NALF1: variants seen among roughly 807,000 people sequenced by gnomAD.
NALF1 encodes the protein NALCN channel auxiliary factor 1, also known as family with sequence similarity 155 member A.
Under a neutral mutation model 48.4 loss-of-function variants are expected in NALF1, and 3 were observed. The ratio of observed to expected loss-of-function variants is 0.06; its 90% CI spans 0.03 to 0.16. NALF1 has a LOEUF of 0.16. NALF1 is among the 10% of genes least tolerant of loss of function. NALF1 has a pLI of 1.00. For synonymous variants in NALF1, 262 were observed against 245.7 expected (o/e 1.07, Z -0.62); for missense variants, 526 against 571.5 (o/e 0.92, Z 0.81).
intron 1 of NALF1, among the ~76,000 whole-genome samples, chr13:107,713,930 T>G (rs1328965741): frequency 6.6e-6 from 1 of 152,134 alleles, no homozygotes; most frequent in Non-Finnish European, 1.5e-5. Flanking sequence ...GAAGTGTTAT[T>G]AAACGATTAA....
chr13:107,200,368 C>CG (rs957548413), intron 2 of NALF1, among the ~76,000 whole-genome samples: 2 of 151,988 alleles, frequency 1.3e-5, no homozygotes, highest in African/African-American at 4.8e-5. Context: ...TGAATGAGCT[C>CG]GGGGGGCGGT....
intron 1 of NALF1, among the ~76,000 whole-genome samples, chr13:107,283,450 TA>T (rs55738590): frequency 8.2e-4 from 122 of 148,122 alleles, no homozygotes; most frequent in Non-Finnish European, 1.1e-3. Flanking sequence ...AATGCTGAGT[TA>T]AAAAAAAAAA....
At chr13:107,174,368 T>TTA (rs1474540005) in intron 2 of NALF1, among the ~76,000 whole-genome samples, 8 of 135,658 alleles carry the variant, frequency 5.9e-5, no homozygotes, top group African/African-American at 2.2e-4. Context: ...TATTTATTTT[T>TTA]TTTTTTGAGA....
At chr13:107,345,718 T>G (rs1390863874) in intron 1 of NALF1, among the ~76,000 whole-genome samples, 3 of 152,142 alleles carry the variant, frequency 2.0e-5, no homozygotes, top group Non-Finnish European at 4.4e-5. Context: ...CCTCATGATA[T>G]TAGAATGGAC....
At chr13:107,599,034 G>C (rs1362076939) in intron 1 of NALF1, among the ~76,000 whole-genome samples, 1 of 152,120 alleles carries the variant, frequency 6.6e-6, no homozygotes, top group Non-Finnish European at 1.5e-5. Flanking sequence ...CCCATAGTAT[G>C]AGTTTGTCCT....
intron 1 of NALF1, among the ~76,000 whole-genome samples, chr13:107,796,264 T>C (rs1056138237): frequency 6.6e-6 from 1 of 152,200 alleles, no homozygotes; most frequent in African/African-American, 2.4e-5. Context: ...AAATTCACAA[T>C]AGTTTTTGTT....
chr13:107,628,101 T>C (rs957471970), intron 1 of NALF1, among the ~76,000 whole-genome samples: 1 of 152,100 alleles, frequency 6.6e-6, no homozygotes, highest in African/African-American at 2.4e-5. Flanking sequence ...GAGTTCTTTC[T>C]ATCCTGTATG....
At chr13:107,743,362 G>A (rs186743434) in intron 1 of NALF1, among the ~76,000 whole-genome samples, 3 of 152,262 alleles carry the variant, frequency 2.0e-5, no homozygotes, top group Admixed American at 1.3e-4. Flanking sequence ...CCTGTGACAA[G>A]AAACTTACTT....
chr13:107,288,998 GA>G (rs35900351), intron 1 of NALF1, among the ~76,000 whole-genome samples: 53,536 of 151,940 alleles, frequency 0.35, 9,689 homozygotes, highest in East Asian at 0.56. Flanking sequence ...GTCAAAGTAT[GA>G]AAAAAACTAT....
chr13:107,235,627 C>T (rs1367746463), intron 1 of NALF1, among the ~76,000 whole-genome samples: 1 of 152,182 alleles, frequency 6.6e-6, no homozygotes, highest in Non-Finnish European at 1.5e-5. Flanking sequence ...AAAGTCCGTA[C>T]ATGTTCAGTA....
chr13:107,614,106 C>T lies in NALF1; in HGVS notation c.915+251576G>A, dbSNP rs146754030. ...ATTAGATTTGAGAGGAGGAGTTTAA[C>T]GCCAGATGTTAGATGACTTTGAGTA... On this transcript the variant is annotated intron_variant, in intron 1 of 2. Coordinates refer to ENST00000375915, the MANE Select transcript of NALF1 (RefSeq NM_001080396.3). Among the ~76,000 whole-genome samples, 5 of 152,262 alleles carry T rather than the reference C, an allele frequency of 3.3e-5. No individual in the cohort carries two copies. In the East Asian group the frequency reaches 7.7e-4, roughly 24 times the overall value.
chr13:107,283,224 G>C (rs1460055249), intron 1 of NALF1, among the ~76,000 whole-genome samples: 1 of 152,136 alleles, frequency 6.6e-6, no homozygotes, highest in Non-Finnish European at 1.5e-5. Context: ...GGAATAGGGA[G>C]AGGGTTGTAA....
At chr13:107,356,807 T>C (rs1594134997) in intron 1 of NALF1, among the ~76,000 whole-genome samples, 3 of 152,228 alleles carry the variant, frequency 2.0e-5, no homozygotes, top group Non-Finnish European at 4.4e-5. Flanking sequence ...AAATGTTCTG[T>C]TGTGGAATCA....
chr13:107,401,215 T>C (rs1883801194), intron 1 of NALF1, among the ~76,000 whole-genome samples: 1 of 152,202 alleles, frequency 6.6e-6, no homozygotes, highest in African/African-American at 2.4e-5. Context: ...GTCTAATGTG[T>C]TCTCACTGTA....
chr13:107,236,165 G>A, intron 1 of NALF1, among the ~76,000 whole-genome samples: 1 of 152,104 alleles, frequency 6.6e-6, no homozygotes, highest in Non-Finnish European at 1.5e-5. Flanking sequence ...CCTATGGCCT[G>A]CTATTGTTGG....
rs1173424018 is a variant in NALF1 at position 107,167,274 on chromosome 13, A to G, written c.*3223T>C. The G allele has an allele frequency of 6.6e-6, 1 of 152,226 alleles. No individual in the cohort carries two copies. The highest frequency in any genetic ancestry group is 1.5e-5 in the Non-Finnish European group (1 of 68,038). The allele number at this position is 152,226 out of a possible 1,614,324, so 9.4% of individuals were successfully genotyped here. ...TCCTCTACAGGAAAAACTAAACAAG[A>G]TGATGATTACAAAGGAGCAGGGGCT... On this transcript the variant is annotated 3_prime_UTR_variant, in exon 3 of 3. Coordinates refer to ENST00000375915, the MANE Select transcript of NALF1 (RefSeq NM_001080396.3).
intron 1 of NALF1, among the ~76,000 whole-genome samples, chr13:107,642,569 C>G (rs1880188589): frequency 1.3e-5 from 2 of 152,144 alleles, no homozygotes; most frequent in Admixed American, 6.5e-5. Flanking sequence ...ACATATAGCT[C>G]CTGAAAATAT....
At chr13:107,475,048 C>T (rs767239026) in intron 1 of NALF1, among the ~76,000 whole-genome samples, 6 of 151,962 alleles carry the variant, frequency 3.9e-5, no homozygotes, top group Non-Finnish European at 8.8e-5. Flanking sequence ...CTTGCTACCA[C>T]CCAGGAAAAT....
intron 1 of NALF1, among the ~76,000 whole-genome samples, chr13:107,229,228 T>C (rs1880169505): frequency 6.6e-6 from 1 of 152,124 alleles, no homozygotes; most frequent in South Asian, 2.1e-4. Flanking sequence ...TGGATTTCAT[T>C]TAAAAAATTT....
Sources: gnomAD v4.1 joint callset for allele counts (sites outside exome capture counted in the v4.1 genomes callset) on GRCh38, gnomAD v4.1.1 for gene constraint, MANE v1.5 for transcripts, NCBI Gene and HGNC (gene_info 2026-07-23, HGNC 2026-07-21) for gene names.